The following ENTREP2 variants were observed in gnomAD, a reference collection of about 807,000 sequenced individuals.
ENTREP2 encodes endosomal transmembrane epsin interactor 2, also known as protein ENTREP2.
chr15:29,226,388 A>G, the ENTREP2 span, among the ~76,000 whole-genome samples: 1 of 152,262 alleles, frequency 6.6e-6, no homozygotes, highest in Admixed American at 6.5e-5. Context: ...AAGAAGAATG[A>G]AAACAGAATG....
At chr15:29,172,675 C>A in the ENTREP2 span, among the ~76,000 whole-genome samples, 1 of 152,130 alleles carries the variant, frequency 6.6e-6, no homozygotes, top group African/African-American at 2.4e-5. Context: ...AAGGGAAATG[C>A]CACGGATGTG....
the ENTREP2 span, among the ~76,000 whole-genome samples, chr15:29,286,108 A>G: frequency 1.3e-5 from 2 of 152,340 alleles, no homozygotes; most frequent in African/African-American, 2.4e-5. Flanking sequence ...AATAATGAGA[A>G]TGTTGCCTCA....
At chr15:29,187,158 T>A in the ENTREP2 span, among the ~76,000 whole-genome samples, 3 of 152,202 alleles carry the variant, frequency 2.0e-5, no homozygotes, top group African/African-American at 7.2e-5. Context: ...AAATAATGGC[T>A]CTCTTTCAGG....
At chr15:29,625,269 C>T in the ENTREP2 span, among the ~76,000 whole-genome samples, 1 of 152,126 alleles carries the variant, frequency 6.6e-6, no homozygotes, top group Non-Finnish European at 1.5e-5. Context: ...ACTCTTCACC[C>T]TTTGAAGGAC....
the ENTREP2 span, among the ~76,000 whole-genome samples, chr15:29,558,805 T>A: frequency 1.5e-5 from 2 of 134,526 alleles, no homozygotes; most frequent in East Asian, 4.6e-4. Flanking sequence ...ATGAAGATCT[T>A]TATGATGATC....
chr15:29,313,954 C>G, the ENTREP2 span, among the ~76,000 whole-genome samples: 4 of 152,302 alleles, frequency 2.6e-5, no homozygotes, highest in East Asian at 5.8e-4. Flanking sequence ...CCAATCCTCA[C>G]AGGTGACCTT....
At chr15:29,136,452 C>T in the ENTREP2 span, 28 of 1,547,562 alleles carry the variant, frequency 1.8e-5, no homozygotes, top group African/African-American at 4.1e-5. Flanking sequence ...TTGATGGCCA[C>T]GTCATACAAA....
chr15:29,552,867 C>T, the ENTREP2 span, among the ~76,000 whole-genome samples: 10 of 152,182 alleles, frequency 6.6e-5, no homozygotes, highest in Non-Finnish European at 1.3e-4. Context: ...ACCCCACTCA[C>T]AGTAACTCCT....
chr15:29,361,629 T>C, the ENTREP2 span, among the ~76,000 whole-genome samples: 2 of 152,228 alleles, frequency 1.3e-5, no homozygotes, highest in African/African-American at 2.4e-5. Context: ...CTCAGGGCCC[T>C]GTGCAATGCA....
chr15:29,526,775 A>G, the ENTREP2 span, among the ~76,000 whole-genome samples: 3 of 151,962 alleles, frequency 2.0e-5, no homozygotes, highest in Admixed American at 2.0e-4. Flanking sequence ...CAGCCTGGAA[A>G]GGATCATGTT....
At chr15:29,342,808 T>G in the ENTREP2 span, among the ~76,000 whole-genome samples, 1 of 152,202 alleles carries the variant, frequency 6.6e-6, no homozygotes, top group African/African-American at 2.4e-5. Context: ...CTTTTGGATA[T>G]TTGTGGTCTT....
chr15:29,410,504 G>A, the ENTREP2 span, among the ~76,000 whole-genome samples: 1 of 151,954 alleles, frequency 6.6e-6, no homozygotes, highest in South Asian at 2.1e-4. Context: ...CTCGGTAACT[G>A]CACTCCAGTC....
the ENTREP2 span, among the ~76,000 whole-genome samples, chr15:29,464,101 G>A: frequency 1.3e-5 from 2 of 152,140 alleles, no homozygotes; most frequent in Admixed American, 6.6e-5. Context: ...GAGGAAGAGG[G>A]AGTCTTCTGG....
At chr15:29,501,877 C>A in the ENTREP2 span, among the ~76,000 whole-genome samples, 1 of 151,572 alleles carries the variant, frequency 6.6e-6, no homozygotes, top group African/African-American at 2.4e-5. Flanking sequence ...TGTATACACA[C>A]AATGAAAAAT....
the ENTREP2 span, among the ~76,000 whole-genome samples, chr15:29,124,221 A>G: frequency 6.6e-6 from 1 of 152,200 alleles, no homozygotes; most frequent in Non-Finnish European, 1.5e-5. Context: ...CAGGCTGGAC[A>G]CTGGGCTGAG....
the ENTREP2 span, among the ~76,000 whole-genome samples, chr15:29,173,127 C>G: frequency 6.6e-6 from 1 of 152,164 alleles, no homozygotes; most frequent in Non-Finnish European, 1.5e-5. Context: ...CCCAGTCCCC[C>G]GCCCAGGGAA....
chr15:29,178,374 T>A, the ENTREP2 span, among the ~76,000 whole-genome samples: 1 of 151,326 alleles, frequency 6.6e-6, no homozygotes. Flanking sequence ...AAGACAGAAC[T>A]AAAGAATATT....
the ENTREP2 span, among the ~76,000 whole-genome samples, chr15:29,119,745 A>G: frequency 1.8e-4 from 28 of 151,492 alleles, no homozygotes; most frequent in South Asian, 5.4e-3. Context: ...CAAGAATGCC[A>G]GGGATGGCCA....
the ENTREP2 span, among the ~76,000 whole-genome samples, chr15:29,469,774 A>G: frequency 8.7e-6 from 1 of 114,678 alleles, no homozygotes; most frequent in Non-Finnish European, 1.7e-5. Flanking sequence ...TTTTTAATAA[A>G]TTAATTTTTT....
Sources: allele counts gnomAD v4.1 joint callset (sites outside exome capture counted in the v4.1 genomes callset), GRCh38; gene constraint gnomAD v4.1.1; transcripts MANE v1.5; gene names NCBI Gene and HGNC (gene_info 2026-07-23, HGNC 2026-07-21).